Variants in DAO observed in about 807,000 individuals in gnomAD.
DAO encodes the protein D-amino-acid oxidase.
DAO carries 51 observed loss-of-function variants against 50.1 expected under a neutral mutation model. The ratio of observed to expected loss-of-function variants is 1.02; its 90% CI spans 0.81 to 1.29. DAO has a LOEUF of 1.29. DAO is among the 50% of genes most tolerant of loss of function. The pLI, the probability that DAO is intolerant of heterozygous loss-of-function variation, is 0.00. For synonymous variants in DAO, 160 were observed against 166.2 expected, an observed-to-expected ratio of 0.96 and a Z score of 0.29; for missense variants, 436 against 439.4, an observed-to-expected ratio of 0.99 and a Z score of 0.07.
intron 3 of DAO, among the ~76,000 whole-genome samples, chr12:108,887,851 G>A (rs769913122): frequency 4.6e-5 from 7 of 152,090 alleles, no homozygotes; most frequent in Admixed American, 2.6e-4. Flanking sequence ...CTGCAGTGAC[G>A]GGCACTTGGT....
chr12:108,884,890 C>G (rs2039418030), intron 1 of DAO, 108 bp from the exon 2 acceptor site: 3 of 1,018,536 alleles, frequency 2.9e-6, no homozygotes, highest in East Asian at 4.8e-5. Context: ...ATAAAAAGGG[C>G]TTGGTGGTGT....
chr12:108,898,785 C>T lies in DAO; in HGVS notation c.802C>T (p.Pro268Ser), dbSNP rs202065454. The change falls in exon 9 of 11, where the codon CCC becomes TCC. Residue 268 changes from proline to serine, a missense_variant. Physicochemically the swap from Pro to Ser is moderately conservative, Grantham distance 74. Coordinates refer to ENST00000228476, the MANE Select transcript of DAO (RefSeq NM_001917.5). Reference sequence around the variant, plus strand: ...TTGGGAAGGCTGCTGCAGACTGGAGCCCACACTGAAGGTAAGGTAGGGAGG... The same window carrying T: ...TTGGGAAGGCTGCTGCAGACTGGAGTCCACACTGAAGGTAAGGTAGGGAGG... ...TIWEGCCRLE[P>S]TLKNARIIGE... 1.6e-5 allele frequency: 25 copies of T among 1,612,404 alleles called. No individual in the cohort carries two copies. The highest frequency in any genetic ancestry group is 2.1e-5 in the Non-Finnish European group (25 of 1,178,586).
intron 1 of DAO, among the ~76,000 whole-genome samples, chr12:108,881,384 G>A (rs1250566970): frequency 6.6e-6 from 1 of 151,004 alleles, no homozygotes; most frequent in Non-Finnish European, 1.5e-5. Flanking sequence ...CTACACGCAT[G>A]AATGATTTTA....
At chr12:108,886,657 G>C (rs1159058240) in intron 2 of DAO, among the ~76,000 whole-genome samples, 1 of 151,972 alleles carries the variant, frequency 6.6e-6, no homozygotes, top group Non-Finnish European at 1.5e-5. Flanking sequence ...GTAGAGCCAG[G>C]GTCTTCCTAT....
rs540423886 is a variant in DAO at position 108,895,196 on chromosome 12, G to A, written c.612+829G>A. Reference sequence around the variant, plus strand: ...TCCAGGCAACCTGGCTTAAGAGCCTGTGCGTGCAAGCATTGTTCCATGCCT... The same window carrying A: ...TCCAGGCAACCTGGCTTAAGAGCCTATGCGTGCAAGCATTGTTCCATGCCT... On this transcript the variant is annotated intron_variant, in intron 7 of 10. Coordinates refer to ENST00000228476, the MANE Select transcript of DAO (RefSeq NM_001917.5). Among the ~76,000 whole-genome samples, 155 of 142,346 alleles carry A rather than the reference G, an allele frequency of 1.1e-3. 1 individual carries two copies. Among genetic ancestry groups the A allele is most frequent in the Non-Finnish European group, 1.9e-3 (128 of 66,260 alleles). 93.4% of individuals were successfully genotyped at this position (142,346 alleles called of 152,430 possible).
intron 5 of DAO, 144 bp from the exon 6 acceptor site, chr12:108,892,838 G>A (rs1284692821): frequency 1.3e-6 from 1 of 755,060 alleles, no homozygotes; most frequent in African/African-American, 1.7e-5. Context: ...GAGCTGATTT[G>A]ATGACACAGC....
chr12:108,898,235 G>A (rs1318291018), intron 8 of DAO, among the ~76,000 whole-genome samples: 1 of 152,078 alleles, frequency 6.6e-6, no homozygotes, highest in East Asian at 1.9e-4. Context: ...TGTTGATGAA[G>A]GTGTGATTGG....
chr12:108,890,846 T>C (rs954593028), intron 5 of DAO, among the ~76,000 whole-genome samples: 2 of 152,094 alleles, frequency 1.3e-5, no homozygotes, highest in African/African-American at 4.8e-5. Flanking sequence ...TGAGATGGAG[T>C]CTCGCTCTGT....
At chr12:108,887,304 G>A in intron 2 of DAO, 146 bp from the exon 3 acceptor site, 1 of 754,458 alleles carries the variant, frequency 1.3e-6, no homozygotes, top group Non-Finnish European at 2.5e-6. Flanking sequence ...AAGGCATTTG[G>A]GGAGTTGCAG....
Position 108,893,034 on chromosome 12 carries a change from G to A in DAO, c.505G>A (p.Glu169Lys), listed in dbSNP as rs1373599296. The change falls in exon 6 of 11, where the codon GAG becomes AAG. Residue 169 changes from glutamate to lysine, a missense_variant and splice_region_variant. By Grantham distance (56) the Glu-to-Lys change is moderately conservative. Transcript: ENST00000228476. ...CCAGCGGAAAGTGGAGTCTTTTGAG[G>A]AGGTGAGTTGCAGGGCTGATGCGGT... Reference protein sequence around the residue: ...FFQRKVESFEEVAREGADVIV... With the variant: ...FFQRKVESFEKVAREGADVIV... 1 of 1,613,766 alleles carries A rather than the reference G, an allele frequency of 6.2e-7. No individual in the cohort carries two copies. The highest frequency in any genetic ancestry group is 1.1e-5 in the South Asian group (1 of 91,062).
In DAO at chr12:108,895,404, T is replaced by G. The variant is rs368764956; in HGVS notation, c.612+1037T>G. ...GATGGTGTGTGCACATATGTGAGGG[T>G]GTGTGTGCATGTGTGTGAGGGTGTG... On this transcript the variant is annotated intron_variant, in intron 7 of 10. Coordinates refer to ENST00000228476, the MANE Select transcript of DAO (RefSeq NM_001917.5). 7.3e-3 allele frequency among the ~76,000 whole-genome samples: 1,070 copies of G among 145,802 alleles called. 14 individuals are homozygous for G. Among genetic ancestry groups the G allele is most frequent in the East Asian group, 0.058 (277 of 4,746 alleles).
chr12:108,900,411 A>C lies in DAO; in HGVS notation c.920A>C (p.His307Pro). The C allele has an allele frequency of 6.2e-7, 1 of 1,614,008 alleles. No homozygotes were observed. ...CTCTCTTGCCTCTCCTAGGTCATCC[A>C]CAACTATGGCCATGGAGGCTACGGG... ...RTGPSNTEVI[H>P]NYGHGGYGLT... Residue 307 changes from histidine to proline, a missense_variant, in exon 11 of 11, where the codon CAC becomes CCC. Transcript: ENST00000228476.
At chr12:108,899,601 G>C in intron 10 of DAO, 126 bp downstream of exon 10, 1 of 812,686 alleles carries the variant, frequency 1.2e-6, no homozygotes, top group Non-Finnish European at 2.1e-6. Flanking sequence ...GGGCAGTGGT[G>C]GCTAATATCC....
At chr12:108,889,639 G>C in intron 4 of DAO, 94 bp downstream of exon 4, 1 of 973,630 alleles carries the variant, frequency 1.0e-6, no homozygotes, top group Non-Finnish European at 1.6e-6. Context: ...CAGATTTCCT[G>C]TCCTACCCAG....
chr12:108,898,704 A>G lies in DAO; in HGVS notation c.721A>G (p.Ile241Val). 1 of 1,613,464 alleles carries G rather than the reference A, an allele frequency of 6.2e-7. No homozygotes were observed. Reference protein sequence around the residue: ...PGTQTVTLGGIFQLGNWSELN... With the variant: ...PGTQTVTLGGVFQLGNWSELN... ...GACCCAGACAGTTACTCTTGGAGGC[A>G]TCTTCCAGTTGGGAAACTGGAGTGA... is the stretch of plus-strand genomic sequence containing the variant. The change falls in exon 9 of 11, where the codon ATC becomes GTC. Residue 241 changes from isoleucine (I) to valine (V), a missense_variant. Coordinates refer to ENST00000228476, the MANE Select transcript of DAO (RefSeq NM_001917.5).
At position 108,900,822 on chromosome 12, in the gene DAO, A is replaced by G. The variant is rs980825979; in HGVS notation, c.*287A>G. On this transcript the variant is annotated 3_prime_UTR_variant, in exon 11 of 11. Transcript: ENST00000228476. ...GAAAGGACAGCTCAGAAAATCAAAG[A>G]GGCCAACTGCCCAGAGCCACAGAAA... 2.6e-6 allele frequency: 1 copy of G among 381,870 alleles called. No homozygotes were observed. The highest frequency in any genetic ancestry group is 5.0e-6 in the Non-Finnish European group (1 of 199,978). 23.7% of individuals were successfully genotyped at this position (381,870 alleles called of 1,614,324 possible).
chr12:108,896,419 C>CAAAAAAAAAAAAAA (rs386377704), intron 7 of DAO, among the ~76,000 whole-genome samples: 613 of 59,510 alleles, frequency 0.01, 17 homozygotes, highest in Non-Finnish European at 0.013. Flanking sequence ...GAGGCTGTCT[C>CAAAAAAAAAAAAAA]AAAAAAAAAA....
intron 1 of DAO, among the ~76,000 whole-genome samples, chr12:108,882,597 A>T (rs2039393028): frequency 6.6e-6 from 1 of 152,172 alleles, no homozygotes; most frequent in Admixed American, 6.5e-5. Context: ...ACTCTGATGC[A>T]CTGACTTTTA....
Position 108,897,070 on chromosome 12 carries a change from C to G in DAO, c.677C>G (p.Ser226Cys). 1 of 1,613,568 alleles carries G rather than the reference C, an allele frequency of 6.2e-7. No homozygotes were observed. The highest frequency in any genetic ancestry group is 8.5e-7 in the Non-Finnish European group (1 of 1,179,540). Residue 226 changes from serine (S) to cysteine (C), a missense_variant, in exon 8 of 11, where the codon TCC (serine) becomes TGC (cysteine). Ser to Cys is a moderately radical substitution (Grantham distance 112). Transcript: ENST00000228476. ...THDPERGIYN[S>C]PYIIPGTQTV... The stretch of plus-strand genomic sequence containing the variant: ...GACCCAGAGAGAGGCATCTACAATT[C>G]CCCGTACATCATCCCAGGGTAAAAT...
Sources: allele counts gnomAD v4.1 joint callset (sites outside exome capture counted in the v4.1 genomes callset), GRCh38; gene constraint gnomAD v4.1.1; transcripts MANE v1.5; gene names NCBI Gene and HGNC (gene_info 2026-07-23, HGNC 2026-07-21).